CNTN1: variants seen among roughly 807,000 people sequenced by gnomAD.
The protein encoded by CNTN1 is contactin-1.
CNTN1 carries 38 observed loss-of-function variants against 126.4 expected under a neutral mutation model. The observed-to-expected ratio is 0.30, with a 90% CI of 0.23 to 0.39. The LOEUF is 0.39. CNTN1 is among the 10% of genes least tolerant of loss of function. The pLI is 1.00. For synonymous variants in CNTN1, 413 were observed against 422.6 expected, an observed-to-expected ratio of 0.98 and a Z score of 0.28; for missense variants, 1,009 against 1,248.4, an observed-to-expected ratio of 0.81 and a Z score of 2.89.
At chr12:41,025,530 G>A (rs750253915) in intron 21 of CNTN1, among the ~76,000 whole-genome samples, 194 bp downstream of exon 21, 5 of 152,082 alleles carry the variant, frequency 3.3e-5, no homozygotes, top group Non-Finnish European at 5.9e-5. Flanking sequence ...ACCCTCACAC[G>A]TTAAATATTC....
rs1253543758 is a variant in CNTN1 at position 41,025,309 on chromosome 12, A to C, written c.2683A>C (p.Met895Leu). 1.2e-6 allele frequency: 2 copies of C among 1,613,522 alleles called. No homozygotes were observed. Among genetic ancestry groups the C allele is most frequent in the Non-Finnish European group, 1.7e-6 (2 of 1,179,486 alleles). ...TGCAGGGTGTGGACCTCCAAGTGAC[A>C]TGATTGAGGCTTTCACCAAGAAAGC... ...NSAGCGPPSD[M>L]IEAFTKKAPP... The change falls in exon 21 of 24, where the codon ATG (methionine) becomes CTG (leucine). Residue 895 changes from methionine to leucine, a missense_variant. Physicochemically the swap from Met to Leu is conservative, Grantham distance 15 (BLOSUM62 2). Coordinates refer to ENST00000551295, the MANE Select transcript of CNTN1 (RefSeq NM_001843.4).
At chr12:40,715,232 A>G (rs1942020897) in intron 1 of CNTN1, among the ~76,000 whole-genome samples, 1 of 152,130 alleles carries the variant, frequency 6.6e-6, no homozygotes, top group African/African-American at 2.4e-5. Context: ...CATTTTAACA[A>G]GCTCTCAGGT....
At chr12:40,759,908 G>A (rs1300616961) in intron 1 of CNTN1, among the ~76,000 whole-genome samples, 2 of 151,418 alleles carry the variant, frequency 1.3e-5, no homozygotes, top group African/African-American at 4.9e-5. Context: ...CTTTTATAAC[G>A]TCTTTCTGAG....
chr12:40,929,353 C>A (rs553685836), intron 6 of CNTN1, among the ~76,000 whole-genome samples: 2,855 of 134,920 alleles, frequency 0.021, 32 homozygotes, highest in African/African-American at 0.041. Flanking sequence ...CACACACACA[C>A]AAAAAAAAAA....
At chr12:40,882,443 T>C (rs765796496) in intron 1 of CNTN1, among the ~76,000 whole-genome samples, 15 of 151,772 alleles carry the variant, frequency 9.9e-5, no homozygotes, top group Non-Finnish European at 8.9e-5. Context: ...TGAAAATAAA[T>C]GATATATTGT....
At chr12:40,867,919 T>C (rs1229646249) in intron 1 of CNTN1, among the ~76,000 whole-genome samples, 1 of 147,030 alleles carries the variant, frequency 6.8e-6, no homozygotes, top group Non-Finnish European at 1.5e-5. Flanking sequence ...TTTGTTGATA[T>C]CTTTGGTGGT....
At chr12:40,869,903 A>G (rs942349584) in intron 1 of CNTN1, among the ~76,000 whole-genome samples, 3 of 152,176 alleles carry the variant, frequency 2.0e-5, no homozygotes, top group Non-Finnish European at 2.9e-5. Context: ...GGCTTTGTCC[A>G]CACCAAAATC....
intron 1 of CNTN1, among the ~76,000 whole-genome samples, chr12:40,894,008 C>T (rs1944321083): frequency 6.6e-6 from 1 of 152,076 alleles, no homozygotes. Flanking sequence ...TAATAGCCAC[C>T]CCAAAAGGCA....
chr12:40,707,077 CACACACACACA>C (rs772322902), intron 1 of CNTN1, among the ~76,000 whole-genome samples: 5,345 of 150,112 alleles, frequency 0.036, 125 homozygotes, highest in Middle Eastern at 0.059. Flanking sequence ...CACACACACA[CACACACACACA>C]CCCCTGCTCA....
chr12:40,914,022 C>T (rs959300098), intron 3 of CNTN1, among the ~76,000 whole-genome samples: 2 of 151,644 alleles, frequency 1.3e-5, no homozygotes, highest in African/African-American at 2.4e-5. Context: ...CTTTGTGCTC[C>T]TTTTAAGAAG....
chr12:41,067,059 A>C lies in CNTN1; in HGVS notation c.2981-2900A>C, dbSNP rs144614026. Among the ~76,000 whole-genome samples the C allele has an allele frequency of 3.5e-3, 529 of 152,330 alleles. 2 individuals are homozygous for C. Among genetic ancestry groups the C allele is most frequent in the Non-Finnish European group, 6.2e-3 (423 of 68,020 alleles). On this transcript the variant is annotated intron_variant, in intron 23 of 23. Coordinates refer to ENST00000551295, the MANE Select transcript of CNTN1 (RefSeq NM_001843.4). ...CTGATATATATGTTGTTAGATTCAA[A>C]ACCAATATATATTGAAAAACTCCTC...
At position 41,039,762 on chromosome 12, in the gene CNTN1, G is replaced by C. The variant is rs1949354015; in HGVS notation, c.2980+10543G>C. On this transcript the variant is annotated intron_variant, in intron 23 of 23. Coordinates refer to ENST00000551295, the MANE Select transcript of CNTN1 (RefSeq NM_001843.4). ...GAGATAGCAGATGTTTCTTGGTGTT[G>C]CCCAAAGTTGGCAAATGGCATGGTT... Among the ~76,000 whole-genome samples the C allele has an allele frequency of 2.0e-5, 3 of 152,066 alleles. No homozygotes were observed. The South Asian group carries it at 6.2e-4, about 31-fold the overall frequency.
intron 1 of CNTN1, among the ~76,000 whole-genome samples, chr12:40,906,767 C>T (rs1218087297): frequency 1.0e-5 from 1 of 98,660 alleles, no homozygotes; most frequent in Admixed American, 1.1e-4. Flanking sequence ...CAACCTCCAC[C>T]TCCCAGGTTC....
intron 1 of CNTN1, among the ~76,000 whole-genome samples, chr12:40,873,628 C>G (rs983811534): frequency 6.6e-6 from 1 of 152,118 alleles, no homozygotes; most frequent in African/African-American, 2.4e-5. Flanking sequence ...AAAGCCTTAA[C>G]ATATGTTTTT....
Position 40,980,913 on chromosome 12 carries a change from T to C in CNTN1, c.1809T>C (p.Pro603=). The change falls in exon 16 of 24, where the codon CCT becomes CCC. Residue 603 remains proline, a synonymous_variant. Transcript: ENST00000551295. ...TTACCCACATTTTCATTTCAGGCCC[T>C]CCAGGCCCTCCAGGTGGTCTGAGAA... The part of the protein sequence containing the change: ...SASADLVVRG[P]PGPPGGLRIE... The C allele has an allele frequency of 6.2e-7, 1 of 1,613,834 alleles. No individual in the cohort carries two copies. The highest frequency in any genetic ancestry group is 8.5e-7 in the Non-Finnish European group (1 of 1,179,804).
Position 40,922,255 on chromosome 12 carries a change from G to A in CNTN1, c.228-1G>A. The A allele has an allele frequency of 6.2e-7, 1 of 1,613,642 alleles. No homozygotes were observed. The highest frequency in any genetic ancestry group is 8.5e-7 in the Non-Finnish European group (1 of 1,179,666). On this transcript the variant is annotated splice_acceptor_variant, in intron 4 of 23. Transcript: ENST00000551295. LOFTEE classifies it high-confidence loss of function. Reference sequence around the variant, plus strand: ...ATGACCTTTGTGTCTTTTTCTCATAGATGGAGAATGAATAATGGGGACGTT... The same window carrying A: ...ATGACCTTTGTGTCTTTTTCTCATAAATGGAGAATGAATAATGGGGACGTT...
intron 14 of CNTN1, among the ~76,000 whole-genome samples, chr12:40,945,674 A>G (rs1009953958): frequency 7.3e-5 from 11 of 151,112 alleles, no homozygotes; most frequent in Admixed American, 2.0e-4. Context: ...AAGAAAATGG[A>G]AAAAAAAAGG....
At chr12:40,736,455 A>G (rs1490908197) in intron 1 of CNTN1, among the ~76,000 whole-genome samples, 3 of 152,112 alleles carry the variant, frequency 2.0e-5, no homozygotes, top group South Asian at 2.1e-4. Flanking sequence ...AATCGCTAAC[A>G]TATTTCCCAA....
At chr12:40,931,290 T>C (rs573287929) in intron 7 of CNTN1, among the ~76,000 whole-genome samples, 1 of 152,142 alleles carries the variant, frequency 6.6e-6, no homozygotes, top group East Asian at 1.9e-4. Context: ...CTGCCTTTCA[T>C]GAACTTTTCT....
Sources: allele counts gnomAD v4.1 joint callset (sites outside exome capture counted in the v4.1 genomes callset), GRCh38; gene constraint gnomAD v4.1.1; transcripts MANE v1.5; gene names NCBI Gene and HGNC (gene_info 2026-07-23, HGNC 2026-07-21).